The following MECOM variants were observed in gnomAD, a reference collection of about 807,000 sequenced individuals.
The protein encoded by MECOM is histone-lysine N-methyltransferase MECOM.
A neutral mutation model predicts 116.3 loss-of-function variants in MECOM; 13 were observed. The ratio of observed to expected loss-of-function variants is 0.11; its 90% CI spans 0.07 to 0.18. The LOEUF is 0.18. MECOM is among the 10% of genes least tolerant of loss of function. The pLI, the probability that MECOM is intolerant of heterozygous loss-of-function variation, is 1.00. For missense variants in MECOM, 1,299 were observed against 1,509.0 expected (o/e 0.86, Z 2.31); for synonymous variants, 528 against 535.2 (o/e 0.99, Z 0.19).
At chr3:169,458,878 TTC>T (rs1421536261) in intron 1 of MECOM, among the ~76,000 whole-genome samples, 2 of 152,172 alleles carry the variant, frequency 1.3e-5, no homozygotes, top group Non-Finnish European at 2.9e-5. Flanking sequence ...AGAGAACCTA[TTC>T]CCTTGTAATG....
chr3:169,216,510 T>C (rs942045567), intron 2 of MECOM, among the ~76,000 whole-genome samples: 1 of 151,664 alleles, frequency 6.6e-6, no homozygotes, highest in Admixed American at 6.6e-5. Context: ...ATTTCCTGCA[T>C]ACATTTTTGC....
At chr3:169,284,423 C>T (rs1221957565) in intron 2 of MECOM, among the ~76,000 whole-genome samples, 1 of 152,080 alleles carries the variant, frequency 6.6e-6, no homozygotes. Context: ...TGAGGGTCTC[C>T]AAAGTTCCAA....
chr3:169,100,089 C>T (rs1161184829), intron 12 of MECOM, among the ~76,000 whole-genome samples: 1 of 103,950 alleles, frequency 9.6e-6, no homozygotes, highest in African/African-American at 3.8e-5. Flanking sequence ...TTCTTTCTTT[C>T]TTTCTTTCTT....
At chr3:169,303,340 G>GATATATATAT (rs148215690) in intron 2 of MECOM, among the ~76,000 whole-genome samples, 77 of 149,812 alleles carry the variant, frequency 5.1e-4, no homozygotes, top group African/African-American at 1.7e-3. Flanking sequence ...ACTTGAAACA[G>GATATATATAT]ATATATATAT....
At chr3:169,342,051 T>C (rs867976818) in intron 2 of MECOM, among the ~76,000 whole-genome samples, 2 of 152,080 alleles carry the variant, frequency 1.3e-5, no homozygotes, top group Admixed American at 1.3e-4. Flanking sequence ...CCACTCAAAA[T>C]AGCATGTTCT....
chr3:169,141,428 C>T (rs1204181119), intron 3 of MECOM, among the ~76,000 whole-genome samples: 1 of 151,940 alleles, frequency 6.6e-6, no homozygotes, highest in Non-Finnish European at 1.5e-5. Context: ...TAAATAATAC[C>T]TCCCACAATG....
At chr3:169,183,020 T>C (rs1746176786) in intron 2 of MECOM, among the ~76,000 whole-genome samples, 1 of 152,186 alleles carries the variant, frequency 6.6e-6, no homozygotes, top group South Asian at 2.1e-4. Flanking sequence ...TTGTGCGAGT[T>C]AATTAACCTT....
chr3:169,433,159 T>C (rs928941832), intron 1 of MECOM, among the ~76,000 whole-genome samples: 2 of 152,100 alleles, frequency 1.3e-5, no homozygotes, highest in Non-Finnish European at 2.9e-5. Flanking sequence ...TTAGAACCAA[T>C]GTTGTCATGA....
In MECOM at chr3:169,175,499, G is replaced by A. The variant is rs796677645; in HGVS notation, c.376-31667C>T. On this transcript the variant is annotated intron_variant, in intron 2 of 16. Coordinates refer to ENST00000651503, the MANE Select transcript of MECOM (RefSeq NM_004991.4). ...AAATAAATTTTGTGTTTAGATTTGG[G>A]TCCCATCCCCAAGATATCTCATTAT... Among the ~76,000 whole-genome samples, 4 of 152,142 alleles carry A rather than the reference G, an allele frequency of 2.6e-5. No individual in the cohort carries two copies. The South Asian group carries it at 6.2e-4, about 24-fold the overall frequency.
chr3:169,543,659 T>C (rs528577819), intron 1 of MECOM, among the ~76,000 whole-genome samples: 27 of 152,326 alleles, frequency 1.8e-4, no homozygotes, highest in African/African-American at 6.0e-4. Context: ...TCTAACATGA[T>C]AAAATGTGTT....
At chr3:169,213,013 T>C (rs578158500) in intron 2 of MECOM, among the ~76,000 whole-genome samples, 3 of 151,932 alleles carry the variant, frequency 2.0e-5, no homozygotes, top group Non-Finnish European at 4.4e-5. Flanking sequence ...GTTTCATGTC[T>C]GTCAAAATGT....
At chr3:169,477,709 C>CT (rs548141397) in intron 1 of MECOM, among the ~76,000 whole-genome samples, 20 of 151,526 alleles carry the variant, frequency 1.3e-4, no homozygotes, top group African/African-American at 2.2e-4. Flanking sequence ...CTTATGCAGA[C>CT]TTTTTTTTTG....
intron 1 of MECOM, among the ~76,000 whole-genome samples, chr3:169,459,896 C>T (rs905868396): frequency 3.9e-5 from 6 of 152,134 alleles, no homozygotes; most frequent in African/African-American, 1.4e-4. Context: ...TGGAGAAGCA[C>T]CCGAGACTGG....
chr3:169,425,673 C>CAT (rs1476765095), intron 1 of MECOM, among the ~76,000 whole-genome samples: 1 of 152,066 alleles, frequency 6.6e-6, no homozygotes, highest in Non-Finnish European at 1.5e-5. Flanking sequence ...AGCGATAGAG[C>CAT]ATATTTAAAA....
At chr3:169,394,475 T>C (rs1734715899) in intron 1 of MECOM, among the ~76,000 whole-genome samples, 1 of 152,156 alleles carries the variant, frequency 6.6e-6, no homozygotes, top group Admixed American at 6.6e-5. Flanking sequence ...GAAATTCTAG[T>C]TGTGATGAAG....
chr3:169,398,471 C>T (rs1467142710), intron 1 of MECOM, among the ~76,000 whole-genome samples: 1 of 152,186 alleles, frequency 6.6e-6, no homozygotes, highest in Non-Finnish European at 1.5e-5. Context: ...GATTGACATT[C>T]ATTTTAGAAA....
intron 2 of MECOM, 123 bp from the exon 3 acceptor site, chr3:169,143,955 T>C: frequency 8.8e-7 from 1 of 1,137,778 alleles, no homozygotes; most frequent in Non-Finnish European, 1.2e-6. Flanking sequence ...AAAAGTCAGA[T>C]CACAAGCACA....
intron 1 of MECOM, among the ~76,000 whole-genome samples, chr3:169,636,096 C>T (rs1772715219): frequency 6.6e-6 from 1 of 152,188 alleles, no homozygotes; most frequent in African/African-American, 2.4e-5. Flanking sequence ...CTGTCTGCAT[C>T]ATAGATACCA....
chr3:169,460,792 A>G (rs1292816030), intron 1 of MECOM, among the ~76,000 whole-genome samples: 6 of 152,116 alleles, frequency 3.9e-5, no homozygotes, highest in Admixed American at 3.9e-4. Flanking sequence ...AAGAGTGCAA[A>G]GAGGAAATGG....
Sources: allele counts gnomAD v4.1 joint callset (sites outside exome capture counted in the v4.1 genomes callset), GRCh38; gene constraint gnomAD v4.1.1; transcripts MANE v1.5; gene names NCBI Gene and HGNC (gene_info 2026-07-23, HGNC 2026-07-21).